Variants in PXDNL observed in about 807,000 individuals in gnomAD.
The protein encoded by PXDNL is peroxidasin like.
In PXDNL, 145 loss-of-function variants were observed where a neutral mutation model predicts 150.8. The ratio of observed to expected loss-of-function variants is 0.96; its 90% confidence interval spans 0.84 to 1.10. The LOEUF is 1.10. Among genes scored for constraint, PXDNL ranks in the 50% least tolerant of loss-of-function variants. The pLI is 0.00. For missense variants in PXDNL, 2,087 were observed against 1,873.9 expected (o/e 1.11, Z -2.10); for synonymous variants, 757 against 725.7 (o/e 1.04, Z -0.69).
chr8:51,750,505 C>G (rs2037033505), intron 1 of PXDNL, among the ~76,000 whole-genome samples: 1 of 152,214 alleles, frequency 6.6e-6, no homozygotes, highest in Non-Finnish European at 1.5e-5. Flanking sequence ...AGGAAATTTT[C>G]AGCTGCATAA....
chr8:51,583,249 T>C (rs1193512686), intron 3 of PXDNL, among the ~76,000 whole-genome samples: 2 of 152,094 alleles, frequency 1.3e-5, no homozygotes, highest in East Asian at 1.9e-4. Context: ...ATGAGGAACA[T>C]GGCGCCAGCA....
rs1021069541 is a variant in PXDNL at position 51,548,666 on chromosome 8, C to G, written c.380+8174G>C. On this transcript the variant is annotated intron_variant, in intron 4 of 22. Transcript: ENST00000356297. ...AGAATTCACCTCTATCAACCCAGCA[C>G]TACAAAAAAATGCTAACTCTTGAAA... 2.0e-5 allele frequency among the ~76,000 whole-genome samples: 3 copies of G among 151,980 alleles called. No individual in the cohort carries two copies. The South Asian group carries it at 6.2e-4, about 32-fold the overall frequency.
At chr8:51,757,172 A>G (rs552061844) in intron 1 of PXDNL, among the ~76,000 whole-genome samples, 1 of 152,304 alleles carries the variant, frequency 6.6e-6, no homozygotes, top group South Asian at 2.1e-4. Flanking sequence ...AAGATTGGCT[A>G]TAAAACATGT....
intron 2 of PXDNL, among the ~76,000 whole-genome samples, chr8:51,614,826 G>A (rs758184341): frequency 6.6e-6 from 1 of 152,032 alleles, no homozygotes. Flanking sequence ...AGGGCAACAC[G>A]ATCTGGAAAT....
intron 1 of PXDNL, among the ~76,000 whole-genome samples, chr8:51,706,632 T>C (rs1028257094): frequency 6.6e-6 from 1 of 152,206 alleles, no homozygotes; most frequent in African/African-American, 2.4e-5. Flanking sequence ...AGGATTGAAA[T>C]AGTAAAGTTG....
chr8:51,700,817 CAT>C (rs1354992361), intron 1 of PXDNL, among the ~76,000 whole-genome samples: 1 of 151,738 alleles, frequency 6.6e-6, no homozygotes. Context: ...CATATACACA[CAT>C]ATGCACACAT....
At chr8:51,568,184 C>T (rs1585586029) in intron 3 of PXDNL, among the ~76,000 whole-genome samples, 1 of 151,354 alleles carries the variant, frequency 6.6e-6, no homozygotes, top group African/African-American at 2.4e-5. Context: ...TATATTTTAC[C>T]TTGATTTATT....
chr8:51,567,240 G>A lies in PXDNL; in HGVS notation c.309-10329C>T, dbSNP rs546543372. On this transcript the variant is annotated intron_variant, in intron 3 of 22. Coordinates refer to ENST00000356297, the MANE Select transcript of PXDNL (RefSeq NM_144651.5). Reference sequence around the variant, plus strand: ...TGTTCTATGTGAGCTTGAGAAGACTGTGTATTTCTGTTGTCACTGGGTGGA... The same window carrying A: ...TGTTCTATGTGAGCTTGAGAAGACTATGTATTTCTGTTGTCACTGGGTGGA... Among the ~76,000 whole-genome samples the A allele has an allele frequency of 8.6e-4, 131 of 151,612 alleles. 5 individuals are homozygous for A. In the Middle Eastern group the frequency reaches 0.017, roughly 20 times the overall value.
intron 1 of PXDNL, among the ~76,000 whole-genome samples, chr8:51,792,276 G>A (rs2037520271): frequency 1.3e-5 from 2 of 152,052 alleles, no homozygotes; most frequent in African/African-American, 2.4e-5. Flanking sequence ...ATGACCCACG[G>A]ACAGCAAGGA....
chr8:51,575,587 C>T (rs566668912), intron 3 of PXDNL, among the ~76,000 whole-genome samples: 20 of 151,818 alleles, frequency 1.3e-4, no homozygotes, highest in East Asian at 2.0e-4. Context: ...GTGTGGTGCA[C>T]GCCTGTAGTC....
intron 3 of PXDNL, among the ~76,000 whole-genome samples, chr8:51,579,817 G>A (rs1048797908): frequency 8.6e-5 from 13 of 151,850 alleles, no homozygotes; most frequent in Admixed American, 2.6e-4. Flanking sequence ...TTGATATTAC[G>A]CAAAAACCAG....
chr8:51,411,986 C>T (rs1217004757), intron 15 of PXDNL, among the ~76,000 whole-genome samples: 1 of 152,160 alleles, frequency 6.6e-6, no homozygotes, highest in Non-Finnish European at 1.5e-5. Context: ...ATTGTCTCCT[C>T]TGCTAAAGAA....
chr8:51,599,282 G>A (rs1194438404), intron 2 of PXDNL, among the ~76,000 whole-genome samples: 2 of 151,736 alleles, frequency 1.3e-5, no homozygotes. Context: ...TAGTTCTAGG[G>A]TTAGTTTGTT....
chr8:51,566,493 CTCTT>C (rs1812831811), intron 3 of PXDNL, among the ~76,000 whole-genome samples: 1 of 151,566 alleles, frequency 6.6e-6, no homozygotes, highest in Non-Finnish European at 1.5e-5. Flanking sequence ...TTTAGATTAT[CTCTT>C]TCTTCTTGTG....
intron 1 of PXDNL, among the ~76,000 whole-genome samples, chr8:51,688,933 G>A (rs1406188584): frequency 6.6e-6 from 1 of 152,188 alleles, no homozygotes; most frequent in East Asian, 1.9e-4. Context: ...AAGTTTCAGG[G>A]CCTTGCTTTA....
At chr8:51,647,989 G>A (rs1814958021) in intron 2 of PXDNL, among the ~76,000 whole-genome samples, 1 of 152,014 alleles carries the variant, frequency 6.6e-6, no homozygotes, top group African/African-American at 2.4e-5. Context: ...GACATCTTGG[G>A]CTTCATATAA....
chr8:51,797,131 T>C (rs1284819522), intron 1 of PXDNL, among the ~76,000 whole-genome samples: 1 of 152,202 alleles, frequency 6.6e-6, no homozygotes, highest in Non-Finnish European at 1.5e-5. Context: ...CACTGATTCA[T>C]GTTAAAAACT....
At chr8:51,488,509 G>A (rs1417407432) in intron 5 of PXDNL, among the ~76,000 whole-genome samples, 1 of 152,178 alleles carries the variant, frequency 6.6e-6, no homozygotes, top group Non-Finnish European at 1.5e-5. Context: ...GACAGACATA[G>A]AAATAGAGAT....
chr8:51,630,182 G>A (rs566263195), intron 2 of PXDNL, among the ~76,000 whole-genome samples: 2 of 152,184 alleles, frequency 1.3e-5, no homozygotes, highest in South Asian at 2.1e-4. Context: ...ACAAGCAGTG[G>A]GAAATTACTT....
Sources: gnomAD v4.1 joint callset for allele counts (sites outside exome capture counted in the v4.1 genomes callset) on GRCh38, gnomAD v4.1.1 for gene constraint, MANE v1.5 for transcripts, NCBI Gene and HGNC (gene_info 2026-07-23, HGNC 2026-07-21) for gene names.